Variants in TXNRD2 observed in about 807,000 individuals in gnomAD.
The protein encoded by TXNRD2 is thioredoxin reductase 2, mitochondrial.
TXNRD2 carries 67 observed loss-of-function variants against 70.8 expected under a neutral mutation model. The observed-to-expected ratio is 0.95, with a 90% CI of 0.78 to 1.16. TXNRD2 has a LOEUF of 1.16. Among genes scored for constraint, TXNRD2 ranks in the 50% most tolerant of loss-of-function variants. The pLI, the probability that TXNRD2 is intolerant of heterozygous loss-of-function variation, is 0.00. For missense variants in TXNRD2, 644 were observed against 719.9 expected (o/e 0.89, Z 1.21); for synonymous variants, 301 against 295.8 (o/e 1.02, Z -0.18).
chr22:19,931,038 G>A lies in TXNRD2; in HGVS notation c.164C>T (p.Ala55Val), dbSNP rs1245972205. ...VGGGSGGLAC[A>V]KEAAQLGRKV... ...GTATACAGAATACATACCCTCCTTG[G>A]CACAAGCCAGGCCACCAGATCCCCC... Residue 55 changes from alanine (A) to valine (V), a missense_variant, in exon 2 of 18, where the codon GCC becomes GTC. Transcript: ENST00000400521. 6.2e-7 allele frequency: 1 copy of A among 1,613,550 alleles called. No homozygotes were observed. The highest frequency in any genetic ancestry group is 8.5e-7 in the Non-Finnish European group (1 of 1,179,956).
At position 19,941,749 on chromosome 22, in the gene TXNRD2, T is replaced by G; in HGVS notation, c.55A>C (p.Thr19Pro). ...CGCACCCCGCCCGCCACGGCCTGCG[T>G]CCGCCACCGGAAGCGCCCTCCTAAT... ...RGLGGRFRWR[T>P]QAVAGGVRGA... The change falls in exon 1 of 18, where the codon ACG (threonine) becomes CCG (proline). Residue 19 changes from threonine (T) to proline (P), a missense_variant. Physicochemically the swap from Thr to Pro is conservative, Grantham distance 38. This residue lies in a region of TXNRD2 where 71 missense variants were observed against 53.6 expected (regional missense o/e 1.33). Transcript: ENST00000400521. 6.7e-7 allele frequency: 1 copy of G among 1,501,222 alleles called. No homozygotes were observed. Among genetic ancestry groups the G allele is most frequent in the East Asian group, 2.8e-5 (1 of 36,204 alleles). 93.0% of individuals were successfully genotyped at this position (1,501,222 alleles called of 1,614,324 possible).
intron 10 of TXNRD2, 114 bp from the exon 11 acceptor site, chr22:19,895,695 G>A: frequency 8.6e-7 from 1 of 1,160,786 alleles, no homozygotes; most frequent in Admixed American, 2.0e-5. Flanking sequence ...CTGTGCGGAA[G>A]ACGGGGTGAG....
At position 19,878,361 on chromosome 22, in the gene TXNRD2, C is replaced by T. The variant is rs1279147954; in HGVS notation, c.1347+5G>A. 6.2e-7 allele frequency: 1 copy of T among 1,613,836 alleles called. No individual in the cohort carries two copies. The highest frequency in any genetic ancestry group is 1.7e-5 in the Admixed American group (1 of 60,036). On this transcript the variant is annotated splice_donor_5th_base_variant and intron_variant, in intron 15 of 17. Transcript: ENST00000400521. Reference sequence around the variant, plus strand: ...CTCAGCACCCTGGGCCACAGGGATGCTCACCTTTACATAACACTGGGATGC... The same window carrying T: ...CTCAGCACCCTGGGCCACAGGGATGTTCACCTTTACATAACACTGGGATGC...
At chr22:19,900,742 T>C (rs1181768400) in intron 8 of TXNRD2, among the ~76,000 whole-genome samples, 1 of 108,964 alleles carries the variant, frequency 9.2e-6, no homozygotes, top group Non-Finnish European at 1.8e-5. Flanking sequence ...AGAGCAAGAC[T>C]CCATCACAAA....
At chr22:19,904,175 C>T (rs74478331) in intron 8 of TXNRD2, among the ~76,000 whole-genome samples, 14,999 of 152,146 alleles carry the variant, frequency 0.099, 875 homozygotes, top group East Asian at 0.21. Flanking sequence ...CCGCCCCACC[C>T]CAGTGCACTC....
rs1056231167 is a variant in TXNRD2, at chr22:19,897,736, C to A, written c.774+303G>T. On this transcript the variant is annotated intron_variant, in intron 10 of 17. Transcript: ENST00000400521. Reference sequence around the variant, plus strand: ...TTCTGCAGCACACACCGGCCTCTTACTAATGGGACGACCCGGAGGGTGACC... The same window carrying A: ...TTCTGCAGCACACACCGGCCTCTTAATAATGGGACGACCCGGAGGGTGACC... Among the ~76,000 whole-genome samples the A allele has an allele frequency of 7.2e-5, 11 of 152,236 alleles. No individual in the cohort carries two copies. In the South Asian group the frequency reaches 1.9e-3, roughly 26 times the overall value.
At chr22:19,889,992 T>C (rs537757676) in intron 11 of TXNRD2, among the ~76,000 whole-genome samples, 2 of 152,108 alleles carry the variant, frequency 1.3e-5, no homozygotes, top group Non-Finnish European at 2.9e-5. Flanking sequence ...TGGACAACCA[T>C]GTATGCAGGT....
chr22:19,899,093 A>T (rs1273845625), intron 8 of TXNRD2, 25 bp from the exon 9 acceptor site: 1 of 1,607,078 alleles, frequency 6.2e-7, no homozygotes, highest in Non-Finnish European at 8.5e-7. Context: ...GAGAGAGAGC[A>T]CATGTAAAGC....
chr22:19,922,583 C>T (rs950913692), intron 2 of TXNRD2, among the ~76,000 whole-genome samples: 2 of 152,194 alleles, frequency 1.3e-5, no homozygotes, highest in African/African-American at 4.8e-5. Flanking sequence ...CAAAAGTTCT[C>T]TCTCCTTCGA....
At chr22:19,895,286 C>T in intron 11 of TXNRD2, 121 bp downstream of exon 11, 2 of 1,594,728 alleles carry the variant, frequency 1.3e-6, no homozygotes, top group East Asian at 4.5e-5. Context: ...TGGGGAGCGG[C>T]CAACCCGCCT....
At chr22:19,924,238 TC>T (rs1941033069) in intron 2 of TXNRD2, among the ~76,000 whole-genome samples, 1 of 152,024 alleles carries the variant, frequency 6.6e-6, no homozygotes, top group African/African-American at 2.4e-5. Flanking sequence ...CTCTCTTTCT[TC>T]CACCAAGAAG....
intron 11 of TXNRD2, chr22:19,894,003 C>T (rs1434426489): frequency 6.6e-6 from 1 of 152,218 alleles, no homozygotes; most frequent in Non-Finnish European, 1.5e-5. Context: ...AGCCAAAAGA[C>T]GGAAGCAACC....
chr22:19,909,233 G>A (rs1940207583), intron 8 of TXNRD2, among the ~76,000 whole-genome samples: 1 of 151,472 alleles, frequency 6.6e-6, no homozygotes, highest in Admixed American at 6.6e-5. Context: ...AGGTTAAAGT[G>A]GTAAATTTTA....
intron 2 of TXNRD2, among the ~76,000 whole-genome samples, chr22:19,923,360 A>G (rs1422022245): frequency 6.6e-6 from 1 of 151,880 alleles, no homozygotes; most frequent in African/African-American, 2.4e-5. Flanking sequence ...CCTTCTCCAA[A>G]CCTCTGTTCA....
chr22:19,879,124 A>G (rs924970650), intron 14 of TXNRD2, among the ~76,000 whole-genome samples: 13 of 152,278 alleles, frequency 8.5e-5, no homozygotes, highest in Non-Finnish European at 1.6e-4. Context: ...TGCCAGGAAC[A>G]TATGTCCCAG....
At position 19,883,403 on chromosome 22, in the gene TXNRD2, G is replaced by C. The variant is rs746370708; in HGVS notation, c.1008C>G (p.Pro336=). ...AGTCCACCAGGATCTTCTGAGTGTC[G>C]GGGCTAGTATCTACCCCAGCCTTCT... is the stretch of plus-strand genomic sequence containing the variant. ...NLEKAGVDTS[P]DTQKILVDSR... Residue 336 remains proline, a synonymous_variant, in exon 12 of 18, where the codon CCC becomes CCG. Coordinates refer to ENST00000400521, the MANE Select transcript of TXNRD2 (RefSeq NM_006440.5). The C allele has an allele frequency of 6.2e-7, 1 of 1,613,918 alleles. No homozygotes were observed. Among genetic ancestry groups the C allele is most frequent in the Non-Finnish European group, 8.5e-7 (1 of 1,180,038 alleles).
At chr22:19,919,908 C>A (rs1940830053) in intron 2 of TXNRD2, among the ~76,000 whole-genome samples, 1 of 152,184 alleles carries the variant, frequency 6.6e-6, no homozygotes, top group Non-Finnish European at 1.5e-5. Context: ...TTGTACCATC[C>A]ACCCCTCACA....
chr22:19,879,542 T>TGGTGGGG (rs1422899302), intron 14 of TXNRD2, among the ~76,000 whole-genome samples: 1 of 13,528 alleles, frequency 7.4e-5, no homozygotes, highest in East Asian at 2.2e-3. Flanking sequence ...TATCAGGATG[T>TGGTGGGG]GGTGGGGGGC....
Position 19,895,129 on chromosome 22 carries a change from C to T in TXNRD2, c.949+278G>A, listed in dbSNP as rs762424822. Reference sequence around the variant, plus strand: ...CTCGATGAGGACACCTGGCTGATGCCGTCTCAGTCTCTTCTCTGGTTTTTT... The same window carrying T: ...CTCGATGAGGACACCTGGCTGATGCTGTCTCAGTCTCTTCTCTGGTTTTTT... On this transcript the variant is annotated intron_variant, in intron 11 of 17. Transcript: ENST00000400521. 80 of 1,598,328 alleles carry T rather than the reference C, an allele frequency of 5.0e-5. 1 individual carries two copies. The highest frequency in any genetic ancestry group is 1.6e-4 in the South Asian group (15 of 91,076).
Sources: gnomAD v4.1 joint callset for allele counts (sites outside exome capture counted in the v4.1 genomes callset) on GRCh38, gnomAD v4.1.1 for gene constraint, gnomAD v4.1.1 regional missense constraint, MANE v1.5 for transcripts, NCBI Gene and HGNC (gene_info 2026-07-23, HGNC 2026-07-21) for gene names.